The following ZFP64 variants were observed in gnomAD, a reference collection of about 807,000 sequenced individuals.
ZFP64 encodes the protein zinc finger protein 64.
A neutral mutation model predicts 51.6 loss-of-function variants in ZFP64; 14 were observed. The observed-to-expected ratio is 0.27, with a 90% CI of 0.18 to 0.42. ZFP64 has a LOEUF of 0.42. ZFP64 is among the 10% of genes least tolerant of loss of function. The pLI is 1.00. For synonymous variants in ZFP64, 375 were observed against 361.4 expected (o/e 1.04, Z -0.43); for missense variants, 754 against 906.8 (o/e 0.83, Z 2.16).
Position 52,191,676 on chromosome 20 carries a change from A to C in ZFP64, c.-40T>G. On this transcript the variant is annotated 5_prime_UTR_variant, in exon 1 of 6. Coordinates refer to ENST00000216923, the MANE Select transcript of ZFP64 (RefSeq NM_018197.3). The surrounding 1 kb of genome is among the most constrained non-coding windows in gnomAD (Gnocchi z 4.3). Reference sequence around the variant, plus strand: ...AGGTCCCCGGCCGGCCGGGATGCCAAAGTGGGGGACGCTGATCTACATGGT... The same window carrying C: ...AGGTCCCCGGCCGGCCGGGATGCCACAGTGGGGGACGCTGATCTACATGGT... 4 of 1,565,008 alleles carry C rather than the reference A, an allele frequency of 2.6e-6. No individual in the cohort carries two copies. The highest frequency in any genetic ancestry group is 3.4e-6 in the Non-Finnish European group (4 of 1,159,744).
At chr20:52,177,750 A>C (rs1024119649) in intron 2 of ZFP64, among the ~76,000 whole-genome samples, 1 of 152,064 alleles carries the variant, frequency 6.6e-6, no homozygotes, top group Non-Finnish European at 1.5e-5. Context: ...AGAGCAACAG[A>C]GGCCGGGCGT....
intron 5 of ZFP64, chr20:52,110,829 G>T: frequency 6.2e-7 from 1 of 1,600,670 alleles, no homozygotes; most frequent in Non-Finnish European, 8.6e-7. Flanking sequence ...TCAGCTCCAT[G>T]TTCAGCTTGT....
At chr20:52,137,877 TTAAATATTG>T (rs1459198982) in intron 5 of ZFP64, among the ~76,000 whole-genome samples, 1 of 152,112 alleles carries the variant, frequency 6.6e-6, no homozygotes, top group Non-Finnish European at 1.5e-5. Context: ...ACAATCATTG[TTAAATATTG>T]GAAAGCAGGC....
At chr20:52,096,605 C>A (rs1036470359) in intron 7 of ZFP64, among the ~76,000 whole-genome samples, 1 of 152,168 alleles carries the variant, frequency 6.6e-6, no homozygotes, top group African/African-American at 2.4e-5. Context: ...GTATTTTAGG[C>A]AGGATGGGCA....
chr20:52,175,197 A>G (rs1983086113), intron 2 of ZFP64, among the ~76,000 whole-genome samples: 1 of 152,216 alleles, frequency 6.6e-6, no homozygotes, highest in Admixed American at 6.5e-5. Context: ...ATCTCGGCTC[A>G]CTGCAATATC....
intron 2 of ZFP64, among the ~76,000 whole-genome samples, chr20:52,173,520 C>T (rs1287104789): frequency 1.3e-5 from 2 of 152,274 alleles, no homozygotes; most frequent in East Asian, 3.9e-4. Flanking sequence ...CTCAGGAGTT[C>T]CAGGCTGCAG....
rs745333836 is a variant in ZFP64, at chr20:52,151,628, AAC to A, written c.*516_*517del. The A allele has an allele frequency of 5.1e-6, 5 of 987,882 alleles. No individual in the cohort carries two copies. Among genetic ancestry groups the A allele is most frequent in the Non-Finnish European group, 6.0e-6 (5 of 831,516 alleles). The allele number at this position is 987,882 out of a possible 1,614,324, so 61.2% of individuals were successfully genotyped here. ...ATCTTGGTAACATTTAAGATTCTAC[AAC>A]AGTTATAATGCGACGATTCAGAGGT... On this transcript the variant is annotated 3_prime_UTR_variant, in exon 6 of 6. Coordinates refer to ENST00000216923, the MANE Select transcript of ZFP64 (RefSeq NM_018197.3).
intron 2 of ZFP64, among the ~76,000 whole-genome samples, chr20:52,178,464 A>AT (rs1398600386): frequency 6.6e-6 from 1 of 152,230 alleles, no homozygotes; most frequent in Non-Finnish European, 1.5e-5. Context: ...AGTGCATGGC[A>AT]TAGAATGAGC....
chr20:52,100,851 T>C (rs2079042895), intron 5 of ZFP64, among the ~76,000 whole-genome samples: 1 of 152,060 alleles, frequency 6.6e-6, no homozygotes, highest in African/African-American at 2.4e-5. Flanking sequence ...GATGAAAAAA[T>C]ATATAAGTTC....
chr20:52,122,363 G>A (rs1000609037), intron 5 of ZFP64, among the ~76,000 whole-genome samples: 24 of 151,978 alleles, frequency 1.6e-4, no homozygotes, highest in African/African-American at 5.8e-4. Flanking sequence ...AAAATTAGCC[G>A]GGTGTGGTGG....
intron 5 of ZFP64, among the ~76,000 whole-genome samples, chr20:52,112,552 AATG>A (rs2122820058): frequency 6.6e-6 from 1 of 152,126 alleles, no homozygotes; most frequent in South Asian, 2.1e-4. Context: ...GTATCAATAC[AATG>A]TTGTTTCTGA....
In ZFP64 at chr20:52,105,187, C is replaced by T. The variant is rs1349096343; in HGVS notation, c.764-6600G>A. 9 of 1,434,620 alleles carry T rather than the reference C, an allele frequency of 6.3e-6. No homozygotes were observed. The African/African-American group carries it at 9.0e-5, about 14-fold the overall frequency. 88.9% of individuals were successfully genotyped at this position (1,434,620 alleles called of 1,614,324 possible). On this transcript the variant is annotated intron_variant, in intron 5 of 8. Transcript: ENST00000361387. ...CCGCACACTCCCGGCGCGCAGGCCG[C>T]GGCTCCTCGGAGTTGAGGTGCTGGG...
chr20:52,119,494 C>T (rs2122844414), intron 5 of ZFP64, among the ~76,000 whole-genome samples: 1 of 135,146 alleles, frequency 7.4e-6, no homozygotes, highest in Non-Finnish European at 1.5e-5. Flanking sequence ...TTCACTCTAG[C>T]CTGGGAAACA....
intron 5 of ZFP64, among the ~76,000 whole-genome samples, chr20:52,125,405 A>G (rs1979400729): frequency 6.6e-6 from 1 of 152,204 alleles, no homozygotes; most frequent in African/African-American, 2.4e-5. Flanking sequence ...ACTGCCTATG[A>G]TGCTGCAGGT....
At chr20:52,183,515 C>A (rs1247941117) in intron 2 of ZFP64, among the ~76,000 whole-genome samples, 2 of 152,122 alleles carry the variant, frequency 1.3e-5, no homozygotes. Context: ...GGGACCTTGG[C>A]CATGTCCCTT....
chr20:52,187,444 A>G (rs1410970808), intron 1 of ZFP64, among the ~76,000 whole-genome samples: 4 of 152,008 alleles, frequency 2.6e-5, no homozygotes, highest in Non-Finnish European at 5.9e-5. Flanking sequence ...CAACATGGTG[A>G]AATCCCGTCT....
intron 5 of ZFP64, among the ~76,000 whole-genome samples, chr20:52,100,749 G>A (rs4811293): frequency 0.76 from 115,124 of 152,172 alleles, 43,849 homozygotes; most frequent in African/African-American, 0.81. Flanking sequence ...TATGTGCTGT[G>A]CAACTATTGG....
intron 5 of ZFP64, among the ~76,000 whole-genome samples, chr20:52,155,716 A>G (rs1981264670): frequency 6.6e-6 from 1 of 152,086 alleles, no homozygotes; most frequent in Non-Finnish European, 1.5e-5. Flanking sequence ...ACTGGACACT[A>G]AGGTCTTCAA....
chr20:52,163,793 A>G (rs1027228880), intron 4 of ZFP64, among the ~76,000 whole-genome samples: 5 of 152,214 alleles, frequency 3.3e-5, no homozygotes, highest in Admixed American at 6.5e-5. Flanking sequence ...ACACTTGTTA[A>G]AAAAAAGTCT....
Sources: gnomAD v4.1 joint callset for allele counts (sites outside exome capture counted in the v4.1 genomes callset) on GRCh38, gnomAD v4.1.1 for gene constraint, Gnocchi (gnomAD v3.1) non-coding constraint, MANE v1.5 for transcripts, NCBI Gene and HGNC (gene_info 2026-07-23, HGNC 2026-07-21) for gene names.